ZNF33A: variants seen among roughly 807,000 people sequenced by gnomAD.
ZNF33A encodes brain my041 protein.
ZNF33A carries 9 observed loss-of-function variants against 15.9 expected under a neutral mutation model. That is an observed-to-expected ratio of 0.57 (90% CI 0.34 to 0.99). The LOEUF is 0.99. Ranked by LOEUF, ZNF33A falls within the 50% of genes least tolerant of loss-of-function variation. The pLI, the probability that ZNF33A is intolerant of heterozygous loss-of-function variation, is 0.02. For synonymous variants in ZNF33A, 294 were observed against 324.2 expected, an observed-to-expected ratio of 0.91 and a Z score of 1.00; for missense variants, 843 against 941.6, an observed-to-expected ratio of 0.90 and a Z score of 1.37.
chr10:38,051,920 A>C (rs1035019916), intron 4 of ZNF33A, among the ~76,000 whole-genome samples: 2 of 152,144 alleles, frequency 1.3e-5, no homozygotes, highest in Non-Finnish European at 2.9e-5. Context: ...GCATTTGACA[A>C]AATTTAGCAT....
intron 4 of ZNF33A, among the ~76,000 whole-genome samples, chr10:38,031,569 CA>C (rs764863293): frequency 1.7e-3 from 118 of 70,862 alleles, no homozygotes; most frequent in Admixed American, 1.9e-3. Context: ...GACCTTGCCT[CA>C]AAAAAAAAAA....
intron 4 of ZNF33A, among the ~76,000 whole-genome samples, chr10:38,024,874 C>T (rs2064913595): frequency 1.3e-5 from 2 of 152,136 alleles, no homozygotes; most frequent in African/African-American, 2.4e-5. Flanking sequence ...TCTAGCATAC[C>T]CAGGCTGTAT....
At chr10:38,012,421 GTTTGTT>G in intron 2 of ZNF33A, 71 bp downstream of exon 2, 7 of 671,118 alleles carry the variant, frequency 1.0e-5, no homozygotes, top group Non-Finnish European at 1.6e-5. Flanking sequence ...TCGATATGGT[GTTTGTT>G]TTTTTTTTTT....
Position 38,055,469 on chromosome 10 carries a change from T to C in ZNF33A, c.1345T>C (p.Ser449Pro). The change falls in exon 5 of 5, where the codon TCC (serine) becomes CCC (proline). Residue 449 changes from serine to proline, a missense_variant. Physicochemically the swap from Ser to Pro is moderately conservative, Grantham distance 74 (BLOSUM62 -1). Coordinates refer to ENST00000432900, the MANE Select transcript of ZNF33A (RefSeq NM_006954.2). ...KPYECYECGK[S>P]FRVTSHLKVH... ...CTATGAATGTTATGAATGTGGAAAA[T>C]CCTTCCGTGTGACTTCGCACCTTAA... 6.2e-7 allele frequency: 1 copy of C among 1,612,982 alleles called. No homozygotes were observed. The highest frequency in any genetic ancestry group is 8.5e-7 in the Non-Finnish European group (1 of 1,179,760).
chr10:38,026,390 A>AG (rs955210467), intron 4 of ZNF33A, among the ~76,000 whole-genome samples: 17 of 152,188 alleles, frequency 1.1e-4, no homozygotes, highest in African/African-American at 4.1e-4. Flanking sequence ...ACTGGAGTGC[A>AG]GTGGTGCGAT....
chr10:38,065,607 C>G (rs1462889356), downstream of ZNF33A, among the ~76,000 whole-genome samples: 1 of 152,176 alleles, frequency 6.6e-6, no homozygotes, highest in East Asian at 1.9e-4. Context: ...CCTGGCAGAT[C>G]CAGCCTCATT....
At chr10:38,045,032 A>G (rs1310264024) in intron 4 of ZNF33A, among the ~76,000 whole-genome samples, 2 of 152,184 alleles carry the variant, frequency 1.3e-5, no homozygotes, top group African/African-American at 2.4e-5. Context: ...TCTCAAGGGC[A>G]GTTGCTGTTG....
intron 4 of ZNF33A, among the ~76,000 whole-genome samples, chr10:38,036,364 G>C (rs1172934976): frequency 6.6e-5 from 10 of 152,028 alleles, no homozygotes; most frequent in Non-Finnish European, 1.5e-4. Flanking sequence ...TTAGAACCTG[G>C]AACGCAGAGG....
In ZNF33A at chr10:38,039,536, G is replaced by C. The variant is rs575844033; in HGVS notation, c.251-14839G>C. 2.9e-5 allele frequency: 13 copies of C among 455,888 alleles called. No homozygotes were observed. In the East Asian group the frequency reaches 9.0e-4, roughly 32 times the overall value. The allele number at this position is 455,888 out of a possible 1,614,324, so 28.2% of individuals were successfully genotyped here. ...GCCACAGCATCCCACCTGTAATGGGGAGTTTTAAATTTACAACTTCAATCT... is the reference window on the plus strand; with the variant it reads ...GCCACAGCATCCCACCTGTAATGGGCAGTTTTAAATTTACAACTTCAATCT... On this transcript the variant is annotated intron_variant, in intron 4 of 4. Transcript: ENST00000432900.
At chr10:38,028,761 G>T (rs2065093141) in intron 4 of ZNF33A, among the ~76,000 whole-genome samples, 1 of 152,216 alleles carries the variant, frequency 6.6e-6, no homozygotes, top group Admixed American at 6.5e-5. Context: ...AGCCCACCAT[G>T]CCTGGACTGA....
intron 4 of ZNF33A, 192 bp downstream of exon 4, chr10:38,017,578 G>T: frequency 2.3e-6 from 1 of 431,950 alleles, no homozygotes; most frequent in East Asian, 3.9e-5. Context: ...CCTCCTTTTT[G>T]AATCGTTTTT....
chr10:38,034,384 TGAG>T (rs1190311826), intron 4 of ZNF33A, among the ~76,000 whole-genome samples: 4 of 152,168 alleles, frequency 2.6e-5, no homozygotes, highest in Non-Finnish European at 5.9e-5. Flanking sequence ...CCTTGACAGT[TGAG>T]GAGTCCTGGT....
chr10:38,053,377 G>T (rs960364032), intron 4 of ZNF33A, among the ~76,000 whole-genome samples: 2 of 151,918 alleles, frequency 1.3e-5, no homozygotes, highest in East Asian at 3.9e-4. Flanking sequence ...TGGTGGGTTG[G>T]GGGAGAAAGA....
chr10:38,030,866 A>G (rs998810419), intron 4 of ZNF33A, among the ~76,000 whole-genome samples: 7 of 152,196 alleles, frequency 4.6e-5, no homozygotes, highest in African/African-American at 1.7e-4. Context: ...CAATTACCAC[A>G]AATGCAGTTA....
At chr10:38,051,897 A>G (rs1252450131) in intron 4 of ZNF33A, among the ~76,000 whole-genome samples, 1 of 152,136 alleles carries the variant, frequency 6.6e-6, no homozygotes, top group Non-Finnish European at 1.5e-5. Context: ...CCATTTCAAT[A>G]TATGCAGACA....
intron 2 of ZNF33A, among the ~76,000 whole-genome samples, chr10:38,015,454 G>A (rs1398771240): frequency 6.6e-6 from 1 of 151,980 alleles, no homozygotes; most frequent in African/African-American, 2.4e-5. Context: ...TCTCAGCTGG[G>A]ATTACAGACA....
At chr10:38,026,009 G>A (rs2064970641) in intron 4 of ZNF33A, among the ~76,000 whole-genome samples, 1 of 152,100 alleles carries the variant, frequency 6.6e-6, no homozygotes, top group Non-Finnish European at 1.5e-5. Flanking sequence ...AATATTTCAT[G>A]TCAGTAGTGT....
At chr10:38,018,139 A>G (rs2064553703) in intron 4 of ZNF33A, among the ~76,000 whole-genome samples, 1 of 152,206 alleles carries the variant, frequency 6.6e-6, no homozygotes, top group Admixed American at 6.6e-5. Flanking sequence ...GCCTCTAAGT[A>G]TATTATGTAT....
At chr10:38,014,742 G>A (rs1455436843) in intron 2 of ZNF33A, among the ~76,000 whole-genome samples, 1 of 152,132 alleles carries the variant, frequency 6.6e-6, no homozygotes, top group Admixed American at 6.5e-5. Flanking sequence ...CTAGTAGCTG[G>A]TTTAACACAT....
Sources: allele counts gnomAD v4.1 joint callset (sites outside exome capture counted in the v4.1 genomes callset), GRCh38; gene constraint gnomAD v4.1.1; transcripts MANE v1.5; gene names NCBI Gene and HGNC (gene_info 2026-07-23, HGNC 2026-07-21).